The following DAPK2 variants were observed in gnomAD, a reference collection of about 807,000 sequenced individuals.
DAPK2 encodes the protein death associated protein kinase 2, also known as death-associated protein kinase 2.
Under a neutral mutation model 44.1 loss-of-function variants are expected in DAPK2, and 35 were observed. The observed-to-expected ratio is 0.79, with a 90% CI of 0.61 to 1.05. DAPK2 has a LOEUF of 1.05. Among genes scored for constraint, DAPK2 ranks in the 50% least tolerant of loss-of-function variants. The pLI is 0.00. For missense variants in DAPK2, 453 were observed against 483.2 expected, an observed-to-expected ratio of 0.94 and a Z score of 0.59; for synonymous variants, 174 against 182.6, an observed-to-expected ratio of 0.95 and a Z score of 0.38.
chr15:63,964,434 T>C (rs1263304227), intron 3 of DAPK2, among the ~76,000 whole-genome samples: 1 of 152,172 alleles, frequency 6.6e-6, no homozygotes, highest in Non-Finnish European at 1.5e-5. Flanking sequence ...AGTTTGATTA[T>C]TATTTGGGTT....
intron 2 of DAPK2, among the ~76,000 whole-genome samples, chr15:63,981,700 C>A (rs1172475762): frequency 6.6e-6 from 1 of 151,024 alleles, no homozygotes. Context: ...AGAAGTGGCT[C>A]GGCCTTTCCA....
chr15:64,019,699 T>C (rs2079630225), intron 1 of DAPK2, among the ~76,000 whole-genome samples: 1 of 152,222 alleles, frequency 6.6e-6, no homozygotes, highest in African/African-American at 2.4e-5. Flanking sequence ...CCAGTGTGTA[T>C]GTAAGTATCC....
exon 11 of DAPK2, chr15:63,907,419 T>C (rs1596374261): frequency 6.6e-6 from 1 of 151,116 alleles, no homozygotes; most frequent in Admixed American, 6.6e-5. Context: ...TACTCGTCTC[T>C]GGCAACTTTT....
At chr15:63,911,982 T>G in exon 10 of DAPK2, 1 of 1,613,862 alleles carries the variant, frequency 6.2e-7, no homozygotes, top group Non-Finnish European at 8.5e-7. Flanking sequence ...GACACGATGC[T>G]GAAGGAAAGC....
chr15:63,993,064 A>G (rs976809435), intron 1 of DAPK2, among the ~76,000 whole-genome samples: 6 of 152,142 alleles, frequency 3.9e-5, no homozygotes, highest in African/African-American at 1.4e-4. Flanking sequence ...TGAACCATTC[A>G]TGTTCTAGAA....
chr15:63,932,664 G>A (rs1014469526), intron 4 of DAPK2: 3 of 152,132 alleles, frequency 2.0e-5, no homozygotes, highest in Admixed American at 1.3e-4. Context: ...GGAAAAGGTG[G>A]AGAGTGGGAA....
At chr15:64,032,408 A>G (rs1257519325) in intron 1 of DAPK2, among the ~76,000 whole-genome samples, 1 of 152,234 alleles carries the variant, frequency 6.6e-6, no homozygotes, top group Non-Finnish European at 1.5e-5. Context: ...CCTCTGTCTC[A>G]GTGCTGCAGT....
intron 1 of DAPK2, among the ~76,000 whole-genome samples, chr15:64,005,542 C>A (rs1347824283): frequency 1.3e-5 from 2 of 152,002 alleles, no homozygotes; most frequent in African/African-American, 4.8e-5. Flanking sequence ...ATGTGCCCTC[C>A]CAACATAGGA....
In DAPK2 at chr15:63,912,282, C is replaced by A; in HGVS notation, c.859-85G>T. The stretch of plus-strand genomic sequence containing the variant: ...TCGCCGCAGAACTCCCCACCCACCG[C>A]ATGCCCACCGCCCTTGGCTTGACCC... On this transcript the variant is annotated intron_variant, in intron 8 of 10. Transcript: ENST00000261891. The surrounding 1 kb of genome is among the most constrained non-coding windows in gnomAD (Gnocchi z 4.4). 7.3e-7 allele frequency: 1 copy of A among 1,371,436 alleles called. No individual in the cohort carries two copies. The highest frequency in any genetic ancestry group is 1.0e-6 in the Non-Finnish European group (1 of 980,398). The allele number at this position is 1,371,436 out of a possible 1,614,324, so 85.0% of individuals were successfully genotyped here.
chr15:63,996,740 G>T (rs941051785), intron 1 of DAPK2, among the ~76,000 whole-genome samples: 1 of 152,176 alleles, frequency 6.6e-6, no homozygotes, highest in African/African-American at 2.4e-5. Flanking sequence ...TTTCACAGAC[G>T]GCTAAAGGGA....
chr15:63,946,359 AG>A (rs1400336298), intron 3 of DAPK2, among the ~76,000 whole-genome samples: 2 of 152,268 alleles, frequency 1.3e-5, no homozygotes, highest in Non-Finnish European at 2.9e-5. Flanking sequence ...AAAGTACAAA[AG>A]ACAAAGGCAA....
intron 2 of DAPK2, among the ~76,000 whole-genome samples, chr15:63,982,700 G>A (rs897110621): frequency 3.9e-5 from 6 of 152,152 alleles, no homozygotes; most frequent in Admixed American, 1.3e-4. Context: ...AGGCCAACCC[G>A]CCTCACACTC....
chr15:63,946,328 A>T (rs1046295978), intron 3 of DAPK2, among the ~76,000 whole-genome samples: 2 of 152,226 alleles, frequency 1.3e-5, no homozygotes, highest in Non-Finnish European at 2.9e-5. Flanking sequence ...GGATGAAGAC[A>T]CCCTTGGGGG....
rs1055145026 is a variant in DAPK2, at chr15:63,922,832, C to T, written c.858+1984G>A. On this transcript the variant is annotated intron_variant, in intron 8 of 10. Coordinates refer to ENST00000261891, the Ensembl canonical transcript of DAPK2. ...GTCCTGGTAGAATGTGGAGCCCAGGCCCTCAGAGCTCCCACTCTCCAGCTG... is the reference window on the plus strand; with the variant it reads ...GTCCTGGTAGAATGTGGAGCCCAGGTCCTCAGAGCTCCCACTCTCCAGCTG... 7.2e-6 allele frequency: 11 copies of T among 1,535,748 alleles called. No individual in the cohort carries two copies. The African/African-American group carries it at 1.1e-4, about 15-fold the overall frequency.
chr15:64,017,740 C>A (rs1297975873), intron 1 of DAPK2, among the ~76,000 whole-genome samples: 1 of 152,176 alleles, frequency 6.6e-6, no homozygotes, highest in Admixed American at 6.5e-5. Context: ...CAATGCATGG[C>A]AATGTGCTTT....
chr15:63,911,865 T>C (rs1323229327), intron 10 of DAPK2, 43 bp downstream of exon 11: 2 of 1,597,786 alleles, frequency 1.3e-6, no homozygotes, highest in Non-Finnish European at 8.5e-7. Flanking sequence ...AGCTCCAGGC[T>C]ACCCCAGAAT....
chr15:63,943,836 A>G (rs2077380579), intron 3 of DAPK2, among the ~76,000 whole-genome samples: 1 of 152,170 alleles, frequency 6.6e-6, no homozygotes. Context: ...AGATCGTACC[A>G]CTGTACTCCA....
intron 4 of DAPK2, among the ~76,000 whole-genome samples, chr15:63,931,291 A>T (rs1474512041): frequency 6.6e-6 from 1 of 152,218 alleles, no homozygotes; most frequent in Non-Finnish European, 1.5e-5. Flanking sequence ...AAAGCAGCCC[A>T]AAAGGACTAA....
At chr15:63,907,425 C>CA (rs894056434) in exon 11 of DAPK2, 3 of 145,186 alleles carry the variant, frequency 2.1e-5, no homozygotes, top group Admixed American at 2.1e-4. Context: ...TCTCTGGCAA[C>CA]TTTTTTTTTT....
Sources: allele counts gnomAD v4.1 joint callset (sites outside exome capture counted in the v4.1 genomes callset), GRCh38; gene constraint gnomAD v4.1.1; non-coding constraint Gnocchi (gnomAD v3.1); transcripts MANE v1.5; gene names NCBI Gene and HGNC (gene_info 2026-07-23, HGNC 2026-07-21).